Variants in USP9X observed in about 807,000 individuals in gnomAD.
The protein encoded by USP9X is ubiquitin specific peptidase 9 X-linked, also known as ubiquitin carboxyl-terminal hydrolase 9X.
Under a neutral mutation model 190.3 loss-of-function variants are expected in USP9X, and 7 were observed. The observed-to-expected ratio is 0.04, with a 90% CI of 0.02 to 0.07. USP9X has a LOEUF of 0.07. Ranked by LOEUF, USP9X falls within the 10% of genes least tolerant of loss-of-function variation. USP9X has a pLI of 1.00. For missense variants in USP9X, 1,010 were observed against 1,916.9 expected (o/e 0.53, Z 8.83); for synonymous variants, 645 against 659.5 (o/e 0.98, Z 0.34).
At chrX:41,184,707 A>G in intron 23 of USP9X, 32 bp downstream of exon 23, 1 of 1,108,819 alleles carries the variant, frequency 9.0e-7, no homozygotes. Flanking sequence ...TCCTTTTATA[A>G]TAGTAGATAG....
Position 41,218,522 on chromosome X carries a change from A to G in USP9X, c.6360A>G (p.Ile2120Met), listed in dbSNP as rs201128029. 1.1e-4 allele frequency: 135 copies of G among 1,209,933 alleles called. No individual in the cohort carries two copies. Among genetic ancestry groups the G allele is most frequent in the Non-Finnish European group, 1.4e-4 (125 of 895,304 alleles). ...TGAGGGGTGCGTTTGCAAAACTTAT[A>G]GTCTTTATTGCACATTTTTCCTTGC... ...AEVRGAFAKL[I>M]VFIAHFSLQD... Residue 2120 changes from isoleucine (I) to methionine (M), a missense_variant, in exon 37 of 45, where the codon ATA (isoleucine) becomes ATG (methionine). This residue lies in a region of USP9X where 121 missense variants were observed against 281.2 expected (regional missense o/e 0.43). Coordinates refer to ENST00000378308, the MANE Select transcript of USP9X (RefSeq NM_001039591.3).
At chrX:41,231,136 A>AAT (rs1330224905) in intron 44 of USP9X, among the ~76,000 whole-genome samples, 1 of 111,868 alleles carries the variant, frequency 8.9e-6, no homozygotes, top group Non-Finnish European at 1.9e-5. Flanking sequence ...CTGAAACCAA[A>AAT]ATGTGACTAA....
intron 31 of USP9X, among the ~76,000 whole-genome samples, chrX:41,204,049 A>G (rs185405428): frequency 8.9e-6 from 1 of 111,755 alleles, no homozygotes; most frequent in Non-Finnish European, 1.9e-5. Flanking sequence ...TTACATTCCT[A>G]CCAGCATTGC....
chrX:41,143,629 C>A (rs905442726), intron 10 of USP9X, among the ~76,000 whole-genome samples, 186 bp downstream of exon 10: 2 of 111,791 alleles, frequency 1.8e-5, no homozygotes, highest in African/African-American at 6.5e-5. Flanking sequence ...TAAAAATATT[C>A]TTTTATCTGT....
At chrX:41,218,186 T>G (rs1422043767) in intron 36 of USP9X, among the ~76,000 whole-genome samples, 186 bp from the exon 37 acceptor site, 2 of 111,385 alleles carry the variant, frequency 1.8e-5, no homozygotes, top group Non-Finnish European at 3.8e-5. Context: ...GTTTGGTAAC[T>G]CTGAGAGAAT....
chrX:41,170,318 G>C, intron 19 of USP9X, 83 bp downstream of exon 19: 1 of 1,096,826 alleles, frequency 9.1e-7, no homozygotes, highest in Non-Finnish European at 1.2e-6. Flanking sequence ...TTGAGCATTT[G>C]TTATGTTTGG....
In USP9X at chrX:41,132,413, C is replaced by T. The variant is rs1029167621; in HGVS notation, c.322+877C>T. 2.8e-5 allele frequency among the ~76,000 whole-genome samples: 3 copies of T among 105,376 alleles called. No homozygotes were observed. The Admixed American group carries it at 3.1e-4, about 11-fold the overall frequency. The allele number at this position is 105,376 out of a possible 115,157, so 91.5% of individuals were successfully genotyped here. On this transcript the variant is annotated intron_variant, in intron 4 of 44. Transcript: ENST00000378308. Reference sequence around the variant, plus strand: ...CCACCTCCCCGGTTCAAGCGATTCTCCTGCCTCAGCCTCCCGAGTAGCTGG... The same window carrying T: ...CCACCTCCCCGGTTCAAGCGATTCTTCTGCCTCAGCCTCCCGAGTAGCTGG...
chrX:41,091,237 C>G (rs1301917415), intron 1 of USP9X, among the ~76,000 whole-genome samples: 1 of 111,408 alleles, frequency 9.0e-6, no homozygotes, highest in Non-Finnish European at 1.9e-5. Flanking sequence ...ATTCTGAACT[C>G]CAGTTTTCTC....
At chrX:41,124,788 C>T (rs1252240551) in intron 2 of USP9X, among the ~76,000 whole-genome samples, 1 of 111,932 alleles carries the variant, frequency 8.9e-6, no homozygotes, top group East Asian at 2.8e-4. Context: ...TGCGTTATGA[C>T]TCTGGGTTAA....
chrX:41,122,007 T>TA (rs768435879), intron 1 of USP9X, among the ~76,000 whole-genome samples: 84 of 111,725 alleles, frequency 7.5e-4, no homozygotes, highest in Non-Finnish European at 1.3e-3. Flanking sequence ...CTTGCCAAAG[T>TA]AGAGAGCTGA....
chrX:41,092,146 T>C (rs977043382), intron 1 of USP9X, among the ~76,000 whole-genome samples: 2 of 111,612 alleles, frequency 1.8e-5, no homozygotes, highest in African/African-American at 6.5e-5. Flanking sequence ...TTGTTTTCCT[T>C]GGGATGAGTT....
chrX:41,225,143 T>TCC lies in USP9X; in HGVS notation c.7061+6_7061+7insCC. ...GACTCCTGGCAAACTCACAGGTGGA[T>TCC]ACTCTTTTTGTGACTGGAAACAATT... On this transcript the variant is annotated splice_region_variant and intron_variant, in intron 41 of 44. Transcript: ENST00000378308. The TCC allele has an allele frequency of 8.3e-7, 1 of 1,207,398 alleles. No individual in the cohort carries two copies. Among genetic ancestry groups the TCC allele is most frequent in the Non-Finnish European group, 1.1e-6 (1 of 891,847 alleles).
intron 14 of USP9X, among the ~76,000 whole-genome samples, chrX:41,159,250 G>A (rs772589267): frequency 8.9e-6 from 1 of 111,910 alleles, no homozygotes; most frequent in African/African-American, 3.2e-5. Flanking sequence ...ACCACAGTGA[G>A]ATAATGCTAC....
chrX:41,230,346 T>G (rs368423963), intron 43 of USP9X, among the ~76,000 whole-genome samples, 155 bp from the exon 44 acceptor site: 92 of 110,778 alleles, frequency 8.3e-4, no homozygotes, highest in African/African-American at 2.7e-3. Context: ...GTTTTTTTTT[T>G]TTTTGTTTTT....
At chrX:41,114,377 C>T (rs1256568687) in intron 1 of USP9X, among the ~76,000 whole-genome samples, 2 of 111,725 alleles carry the variant, frequency 1.8e-5, no homozygotes, top group African/African-American at 6.5e-5. Flanking sequence ...TCCGCCATTT[C>T]AGATGATTGA....
chrX:41,146,418 A>G (rs1039910572), intron 11 of USP9X, among the ~76,000 whole-genome samples: 2 of 112,263 alleles, frequency 1.8e-5, no homozygotes, highest in South Asian at 3.6e-4. Flanking sequence ...GATTGCAACC[A>G]AATGATTCCA....
At chrX:41,086,312 TCCC>T (rs1314960203) in intron 1 of USP9X, among the ~76,000 whole-genome samples, 1 of 111,459 alleles carries the variant, frequency 9.0e-6, no homozygotes, top group Non-Finnish European at 1.9e-5. Flanking sequence ...GGAGCCGGTG[TCCC>T]GAGAGCGTGT....
At chrX:41,106,110 G>A (rs1363908863) in intron 1 of USP9X, among the ~76,000 whole-genome samples, 1 of 111,251 alleles carries the variant, frequency 9.0e-6, no homozygotes, top group African/African-American at 3.3e-5. Flanking sequence ...AGTGTTCTTC[G>A]GAGCACAGAA....
At chrX:41,123,412 T>G (rs1266598586) in intron 1 of USP9X, 59 bp from the exon 2 acceptor site, 2 of 391,352 alleles carry the variant, frequency 5.1e-6, no homozygotes, top group African/African-American at 5.1e-5. Context: ...TTCGAACAGT[T>G]CCATAATTCA....
Sources: gnomAD v4.1 joint callset for allele counts (sites outside exome capture counted in the v4.1 genomes callset) on GRCh38, gnomAD v4.1.1 for gene constraint, gnomAD v4.1.1 regional missense constraint, MANE v1.5 for transcripts, NCBI Gene and HGNC (gene_info 2026-07-23, HGNC 2026-07-21) for gene names.